The following KNTC1 variants were observed in gnomAD, a reference collection of about 807,000 sequenced individuals.
The protein encoded by KNTC1 is kinetochore associated 1, also known as kinetochore-associated protein 1.
A neutral mutation model predicts 314.4 loss-of-function variants in KNTC1; 253 were observed. The ratio of observed to expected loss-of-function variants is 0.80; its 90% CI spans 0.73 to 0.89. KNTC1 has a LOEUF of 0.89. KNTC1 is among the 40% of genes least tolerant of loss of function. The pLI is 0.00. For synonymous variants in KNTC1, 901 were observed against 901.4 expected (o/e 1.00, Z 0.01); for missense variants, 2,475 against 2,572.9 (o/e 0.96, Z 0.82).
rs1000414957 is a variant in KNTC1 at position 122,626,128 on chromosome 12, T to C, written c.6607-77T>C. The C allele has an allele frequency of 3.1e-6, 3 of 983,284 alleles. No individual in the cohort carries two copies. In the African/African-American group the frequency reaches 4.8e-5, roughly 16 times the overall value. The allele number at this position is 983,284 out of a possible 1,614,324, so 60.9% of individuals were successfully genotyped here. On this transcript the variant is annotated intron_variant, in intron 63 of 63. Transcript: ENST00000333479. ...GATTTGTATCACTTCACTTAAGTTC[T>C]GTAGTTTATCTGACCATTTTCAATT...
chr12:122,582,875 G>A lies in KNTC1; in HGVS notation c.3153G>A (p.Lys1051=). 2 of 1,612,494 alleles carry A rather than the reference G, an allele frequency of 1.2e-6. No homozygotes were observed. Among genetic ancestry groups the A allele is most frequent in the Non-Finnish European group, 1.7e-6 (2 of 1,179,228 alleles). Residue 1051 remains lysine (K), a synonymous_variant, in exon 34 of 64, where the codon AAG becomes AAA. Transcript: ENST00000333479. ...TGAGGAGCCCAAGCATGGAATCAAA[G>A]CTGCACAGACAGGCACTGGCCCTGC... ...AEVRSPSMES[K]LHRQALALQM... is the part of the protein sequence containing the mutation.
chr12:122,579,325 A>G (rs528108318), intron 31 of KNTC1, among the ~76,000 whole-genome samples: 19 of 151,818 alleles, frequency 1.3e-4, no homozygotes, highest in Admixed American at 8.5e-4. Flanking sequence ...CGGCCTCCCA[A>G]AGTGCTGGGA....
At chr12:122,623,430 G>T (rs979847463) in intron 62 of KNTC1, among the ~76,000 whole-genome samples, 1 of 152,112 alleles carries the variant, frequency 6.6e-6, no homozygotes. Context: ...CGCTTGAGAG[G>T]TCTTTCTTTC....
rs1233647385 is a variant in KNTC1 at position 122,603,183 on chromosome 12, A to G, written c.5041A>G (p.Ile1681Val). The G allele has an allele frequency of 3.7e-6, 6 of 1,613,402 alleles. No homozygotes were observed. The highest frequency in any genetic ancestry group is 1.1e-5 in the South Asian group (1 of 90,990). ...GACCATCGAATCCTGCTTACTCTCT[A>G]TAGTCAACCCAGAGTGGGCTGTAGC... ...TQTIESCLLSIVNPEWAVAIA... is the reference protein window; with the variant it reads ...TQTIESCLLSVVNPEWAVAIA... Residue 1681 changes from isoleucine (I) to valine (V), a missense_variant, in exon 48 of 64, where the codon ATA becomes GTA. Coordinates refer to ENST00000333479, the MANE Select transcript of KNTC1 (RefSeq NM_014708.6).
intron 2 of KNTC1, among the ~76,000 whole-genome samples, chr12:122,531,503 C>T (rs958219805): frequency 8.6e-5 from 13 of 151,818 alleles, no homozygotes; most frequent in Admixed American, 2.6e-4. Context: ...TGATTTGTAC[C>T]GCTTTAAATG....
At chr12:122,559,946 C>CA (rs1258091509) in intron 18 of KNTC1, among the ~76,000 whole-genome samples, 2 of 152,176 alleles carry the variant, frequency 1.3e-5, no homozygotes, top group African/African-American at 4.8e-5. Flanking sequence ...TCCATCTCCC[C>CA]AACTCTTTTC....
chr12:122,608,410 G>A (rs1872759646), intron 51 of KNTC1, among the ~76,000 whole-genome samples: 1 of 152,220 alleles, frequency 6.6e-6, no homozygotes, highest in African/African-American at 2.4e-5. Context: ...GATTACAGGT[G>A]TGAACCACTG....
At chr12:122,624,548 A>C (rs1566026339) in intron 62 of KNTC1, 50 bp from the exon 63 acceptor site, 1 of 1,381,818 alleles carries the variant, frequency 7.2e-7, no homozygotes. Flanking sequence ...GATTGTAGGC[A>C]CAAGGCACTG....
At chr12:122,591,765 T>C (rs1341731140) in intron 42 of KNTC1, among the ~76,000 whole-genome samples, 2 of 152,192 alleles carry the variant, frequency 1.3e-5, no homozygotes, top group East Asian at 3.8e-4. Flanking sequence ...CCTCATACTT[T>C]TGTTTTCTGC....
intron 60 of KNTC1, 99 bp downstream of exon 60, chr12:122,620,707 A>G (rs1329877840): frequency 8.0e-7 from 1 of 1,252,536 alleles, no homozygotes; most frequent in Non-Finnish European, 1.1e-6. Flanking sequence ...GCAAACCTGT[A>G]AAGCATGAAT....
intron 16 of KNTC1, among the ~76,000 whole-genome samples, chr12:122,554,076 A>AAAAATATATATATATATATATATAT (rs370146333): frequency 6.4e-5 from 7 of 109,044 alleles, no homozygotes; most frequent in African/African-American, 2.7e-4. Flanking sequence ...AAAAAAAAAA[A>AAAAATATATATATATATATATATAT]ATATATATAT....
At chr12:122,618,629 A>T (rs546156493) in intron 59 of KNTC1, 84 bp downstream of exon 59, 1 of 1,012,688 alleles carries the variant, frequency 9.9e-7, no homozygotes, top group African/African-American at 1.6e-5. Flanking sequence ...CTAATGAGTA[A>T]TTCCTTTTTG....
Position 122,626,299 on chromosome 12 carries a change from GTT to G in KNTC1, c.*75_*76del, listed in dbSNP as rs780272118. The G allele has an allele frequency of 2.3e-5, 24 of 1,023,720 alleles. No homozygotes were observed. Among genetic ancestry groups the G allele is most frequent in the Non-Finnish European group, 3.6e-5 (24 of 667,148 alleles). The allele number at this position is 1,023,720 out of a possible 1,614,324, so 63.4% of individuals were successfully genotyped here. On this transcript the variant is annotated 3_prime_UTR_variant, in exon 64 of 64. Coordinates refer to ENST00000333479, the MANE Select transcript of KNTC1 (RefSeq NM_014708.6). Reference sequence around the variant, plus strand: ...CTATTAATGGACCATATTTATTACAGTTTTTAAATTGTACAATCTCTGTATTA... The same window carrying G: ...CTATTAATGGACCATATTTATTACAGTTTAAATTGTACAATCTCTGTATTA...
intron 31 of KNTC1, among the ~76,000 whole-genome samples, chr12:122,578,848 A>G (rs1376548186): frequency 6.6e-6 from 1 of 152,182 alleles, no homozygotes; most frequent in Non-Finnish European, 1.5e-5. Flanking sequence ...GCTATGCAAT[A>G]GGCATTAGGT....
intron 59 of KNTC1, among the ~76,000 whole-genome samples, chr12:122,619,165 C>T (rs1373736667): frequency 6.6e-6 from 1 of 150,684 alleles, no homozygotes; most frequent in African/African-American, 2.4e-5. Flanking sequence ...TCACGCCATT[C>T]TCCCACCTCA....
intron 55 of KNTC1, among the ~76,000 whole-genome samples, chr12:122,614,314 C>G (rs1873519966): frequency 6.6e-6 from 1 of 152,188 alleles, no homozygotes; most frequent in Non-Finnish European, 1.5e-5. Flanking sequence ...CACGGCTTAT[C>G]TGTCCTTATC....
intron 53 of KNTC1, chr12:122,611,843 T>C (rs1232320560): frequency 6.6e-6 from 1 of 152,124 alleles, no homozygotes; most frequent in Non-Finnish European, 1.5e-5. Flanking sequence ...TGCCTGCAAA[T>C]CACTTCGTCC....
Position 122,585,090 on chromosome 12 carries a change from T to C in KNTC1, c.3534+100T>C, listed in dbSNP as rs1869044247. 5.9e-6 allele frequency: 4 copies of C among 682,398 alleles called. No homozygotes were observed. In the East Asian group the frequency reaches 1.1e-4, roughly 18 times the overall value. 42.3% of individuals were successfully genotyped at this position (682,398 alleles called of 1,614,324 possible). ...TTTTGTTCTGTCACCCAGGCTGGAGTGCAGTGGCATGATCAAGGCTTACTG... is the reference window on the plus strand; with the variant it reads ...TTTTGTTCTGTCACCCAGGCTGGAGCGCAGTGGCATGATCAAGGCTTACTG... On this transcript the variant is annotated intron_variant, in intron 36 of 63. Transcript: ENST00000333479.
intron 59 of KNTC1, among the ~76,000 whole-genome samples, chr12:122,619,525 G>A (rs866383544): frequency 6.6e-6 from 1 of 151,434 alleles, no homozygotes; most frequent in Admixed American, 6.6e-5. Flanking sequence ...CCGTTCTCCC[G>A]CCTCAGCCTC....
Sources: allele counts gnomAD v4.1 joint callset (sites outside exome capture counted in the v4.1 genomes callset), GRCh38; gene constraint gnomAD v4.1.1; transcripts MANE v1.5; gene names NCBI Gene and HGNC (gene_info 2026-07-23, HGNC 2026-07-21).